Variants in TRAP1 observed in about 807,000 individuals in gnomAD.
TRAP1 encodes the protein TNF receptor associated protein 1, also known as heat shock protein 75 kDa, mitochondrial.
TRAP1 carries 102 observed loss-of-function variants against 89.1 expected under a neutral mutation model. The observed-to-expected ratio is 1.15, with a 90% CI of 0.98 to 1.35. The LOEUF (loss-of-function observed/expected upper bound fraction) is 1.35, where lower values mean the gene tolerates loss of function less well. Ranked by LOEUF, TRAP1 falls within the 40% of genes most tolerant of loss-of-function variation. TRAP1 has a pLI of 0.00. For synonymous variants in TRAP1, 508 were observed against 388.0 expected (o/e 1.31, Z -3.64); for missense variants, 1,256 against 945.3 (o/e 1.33, Z -4.31).
chr16:3,659,310 A>G (rs1040866014), intron 16 of TRAP1: 1 of 156,176 alleles, frequency 6.4e-6, no homozygotes, highest in African/African-American at 2.4e-5. Context: ...AGTATTTCAC[A>G]GAAGAGGGAG....
chr16:3,711,486 C>A (rs1379618613), intron 1 of TRAP1, among the ~76,000 whole-genome samples: 1 of 152,010 alleles, frequency 6.6e-6, no homozygotes, highest in Non-Finnish European at 1.5e-5. Flanking sequence ...GTAGCCCCAG[C>A]TACTTGGGAG....
At position 3,663,493 on chromosome 16, in the gene TRAP1, G is replaced by C; in HGVS notation, c.1639C>G (p.Leu547Val). Residue 547 changes from leucine to valine, a missense_variant, in exon 14 of 18, where the codon CTG (leucine) becomes GTG (valine). Transcript: ENST00000246957. Reference protein sequence around the residue: ...LHLREFDKKKLISVETDIVVD... With the variant: ...LHLREFDKKKVISVETDIVVD... ...ACTATGTCCGTCTCCACAGAGATCA[G>C]CTTCTTCTTGTCAAACTCACGAAGG... 1 of 1,614,188 alleles carries C rather than the reference G, an allele frequency of 6.2e-7. No homozygotes were observed.
In TRAP1 at chr16:3,663,649, G is replaced by A. The variant is rs574344970; in HGVS notation, c.1570-87C>T. The A allele has an allele frequency of 5.1e-6, 8 of 1,557,948 alleles. No homozygotes were observed. The South Asian group carries it at 5.8e-5, about 11-fold the overall frequency. ...GGATGAGGGCGGCAGGAGGGCTGGG[G>A]GAGCCAAGCGGGCCACACTGGGGAA... On this transcript the variant is annotated intron_variant, in intron 13 of 17. Transcript: ENST00000246957.
At chr16:3,661,807 G>T in intron 16 of TRAP1, 180 bp downstream of exon 16, 1 of 707,982 alleles carries the variant, frequency 1.4e-6, no homozygotes, top group Non-Finnish European at 2.1e-6. Context: ...GATGGTAAGG[G>T]GCTGGCCAGG....
rs759876612 is a variant in TRAP1 at position 3,658,766 on chromosome 16, G to A, written c.2013+27C>T. ...GGCAGGGCTGGTAGCCTGGGTCCCT[G>A]CAGTCATCCTAAGCTGCTGCACTCA... On this transcript the variant is annotated intron_variant, in intron 17 of 17. Coordinates refer to ENST00000246957, the MANE Select transcript of TRAP1 (RefSeq NM_016292.3). 6 of 1,607,432 alleles carry A rather than the reference G, an allele frequency of 3.7e-6. No individual in the cohort carries two copies. In the African/African-American group the frequency reaches 5.4e-5, roughly 14 times the overall value.
intron 1 of TRAP1, among the ~76,000 whole-genome samples, chr16:3,693,354 A>G (rs144339164): frequency 6.6e-5 from 10 of 151,890 alleles, no homozygotes; most frequent in Non-Finnish European, 1.0e-4. Flanking sequence ...ATTTGGGCCC[A>G]TGTAATTGCA....
chr16:3,677,775 C>T (rs899760242), intron 5 of TRAP1, 117 bp from the exon 6 acceptor site: 11 of 1,241,326 alleles, frequency 8.9e-6, no homozygotes, highest in South Asian at 4.6e-5. Flanking sequence ...ACAGCCACAC[C>T]GAGTACTTTT....
chr16:3,689,186 G>C, intron 2 of TRAP1, 49 bp from the exon 3 acceptor site: 1 of 1,488,940 alleles, frequency 6.7e-7, no homozygotes, highest in Non-Finnish European at 9.3e-7. Context: ...TTCTATTTTT[G>C]TGCAAGAATA....
chr16:3,680,924 T>C (rs922932402), intron 4 of TRAP1, among the ~76,000 whole-genome samples: 1 of 152,162 alleles, frequency 6.6e-6, no homozygotes, highest in African/African-American at 2.4e-5. Context: ...TCTAGAACTG[T>C]AAGCAATAGG....
intron 1 of TRAP1, among the ~76,000 whole-genome samples, chr16:3,700,189 T>C (rs1050940650): frequency 6.6e-6 from 1 of 151,708 alleles, no homozygotes; most frequent in Non-Finnish European, 1.5e-5. Context: ...TTTTTTGAGA[T>C]GGAGTTTCCC....
intron 15 of TRAP1, chr16:3,662,616 C>A: frequency 1.5e-6 from 1 of 654,006 alleles, no homozygotes; most frequent in African/African-American, 1.8e-5. Context: ...TCAGCCATTG[C>A]AGCTCCCACT....
chr16:3,669,224 G>A (rs903821996), intron 11 of TRAP1, among the ~76,000 whole-genome samples: 15 of 152,170 alleles, frequency 9.9e-5, no homozygotes, highest in Admixed American at 7.9e-4. Flanking sequence ...ACCCACAGGC[G>A]CACTCGAAGT....
intron 12 of TRAP1, chr16:3,664,745 A>C: frequency 5.1e-6 from 2 of 389,232 alleles, no homozygotes; most frequent in Non-Finnish European, 9.3e-6. Context: ...ACCCCACCCA[A>C]CAGCAGAGCC....
chr16:3,672,145 G>A (rs922224309), intron 10 of TRAP1, among the ~76,000 whole-genome samples: 3 of 152,124 alleles, frequency 2.0e-5, no homozygotes, highest in Non-Finnish European at 2.9e-5. Context: ...AGACCAGCCC[G>A]GCAATTATGG....
intron 8 of TRAP1, 21 bp downstream of exon 8, chr16:3,675,303 C>A: frequency 6.2e-7 from 1 of 1,612,970 alleles, no homozygotes. Flanking sequence ...TGACCAGTCC[C>A]TAGAGGAACT....
At chr16:3,691,941 C>T (rs2051219894) in intron 1 of TRAP1, among the ~76,000 whole-genome samples, 1 of 152,082 alleles carries the variant, frequency 6.6e-6, no homozygotes. Context: ...CCAATGTGTC[C>T]CCAGCCGCAC....
intron 4 of TRAP1, among the ~76,000 whole-genome samples, chr16:3,684,404 G>A (rs1187777585): frequency 1.3e-5 from 2 of 152,148 alleles, no homozygotes; most frequent in African/African-American, 4.8e-5. Context: ...ATCAGTAGAT[G>A]AGATGGAATG....
intron 1 of TRAP1, among the ~76,000 whole-genome samples, chr16:3,715,567 C>T (rs1030726630): frequency 5.3e-5 from 8 of 152,090 alleles, no homozygotes; most frequent in Non-Finnish European, 1.0e-4. Context: ...CCTGTGGACG[C>T]GAGACCACAA....
rs770422725 is a variant in TRAP1 at position 3,662,875 on chromosome 16, G to A, written c.1794+7C>T. ...CAAGTGGTGGTCCATCCCCGGGAAA[G>A]CCTCACCTTCACGTTGGTGACACGC... On this transcript the variant is annotated splice_region_variant and intron_variant, in intron 15 of 17. Transcript: ENST00000246957. 21 of 1,613,386 alleles carry A rather than the reference G, an allele frequency of 1.3e-5. No homozygotes were observed. The East Asian group carries it at 1.8e-4, about 14-fold the overall frequency.
Sources: gnomAD v4.1 joint callset for allele counts (sites outside exome capture counted in the v4.1 genomes callset) on GRCh38, gnomAD v4.1.1 for gene constraint, MANE v1.5 for transcripts, NCBI Gene and HGNC (gene_info 2026-07-23, HGNC 2026-07-21) for gene names.